AMBRA1: variants seen among roughly 807,000 people sequenced by gnomAD.
AMBRA1 encodes the protein autophagy and beclin 1 regulator 1.
AMBRA1 carries 47 observed loss-of-function variants against 125.4 expected under a neutral mutation model. The observed-to-expected ratio is 0.37, with a 90% CI of 0.30 to 0.48. The LOEUF is 0.48. Among genes scored for constraint, AMBRA1 ranks in the 20% least tolerant of loss-of-function variants. The probability of loss-of-function intolerance (pLI) is 0.99; values close to 1 mark genes in which losing one functional copy is unlikely to be tolerated. For synonymous variants in AMBRA1, 626 were observed against 655.5 expected, an observed-to-expected ratio of 0.95 and a Z score of 0.69; for missense variants, 1,331 against 1,693.4, an observed-to-expected ratio of 0.79 and a Z score of 3.76.
intron 11 of AMBRA1, among the ~76,000 whole-genome samples, chr11:46,446,727 T>C (rs1948301309): frequency 1.3e-5 from 2 of 152,202 alleles, no homozygotes; most frequent in Non-Finnish European, 2.9e-5. Flanking sequence ...CCTCTGGGGA[T>C]AAAAATCATT....
At position 46,443,501 on chromosome 11, in the gene AMBRA1, AG is replaced by A; in HGVS notation, c.2618del (p.Pro873LeufsTer8). 1 of 1,613,796 alleles carries A rather than the reference AG, an allele frequency of 6.2e-7. No individual in the cohort carries two copies. ...ACATTGACTTACCATTACTGATTTC[AG>A]GGAGGTCAAACTTAGTGAAGTCCCA... ...QWWDFTKFDL[P>X]EISNASVNVL... On this transcript the variant is annotated frameshift_variant, in exon 12 of 18. Coordinates refer to ENST00000683756, the MANE Select transcript of AMBRA1 (RefSeq NM_001387011.1). LOFTEE classifies it high-confidence loss of function.
intron 14 of AMBRA1, among the ~76,000 whole-genome samples, chr11:46,418,571 C>A (rs1461087846): frequency 6.6e-6 from 1 of 151,616 alleles, no homozygotes; most frequent in Non-Finnish European, 1.5e-5. Context: ...CCACAACAGG[C>A]CCCGGTGTGT....
At chr11:46,437,330 T>C (rs1947770572) in intron 12 of AMBRA1, among the ~76,000 whole-genome samples, 1 of 152,206 alleles carries the variant, frequency 6.6e-6, no homozygotes, top group Non-Finnish European at 1.5e-5. Flanking sequence ...TTCTGCCCTC[T>C]CCCCTGACTC....
intron 9 of AMBRA1, among the ~76,000 whole-genome samples, chr11:46,504,136 C>A (rs1427124757): frequency 2.6e-5 from 4 of 152,130 alleles, no homozygotes; most frequent in Non-Finnish European, 5.9e-5. Context: ...TATCCCTTTG[C>A]CTCAGAAAGC....
rs140248534 is a variant in AMBRA1 at position 46,434,420 on chromosome 11, A to C, written c.2821+429T>G. ...CAAAACAAACAAACAAACAAACAAA[A>C]AAGTCTCAAGGCAACAATTTGGCAT... On this transcript the variant is annotated intron_variant, in intron 13 of 17. Coordinates refer to ENST00000683756, the MANE Select transcript of AMBRA1 (RefSeq NM_001387011.1). Among the ~76,000 whole-genome samples the C allele has an allele frequency of 1.4e-4, 21 of 152,038 alleles. 1 individual carries two copies. The highest frequency in any genetic ancestry group is 3.9e-4 in the East Asian group (2 of 5,180).
Position 46,554,711 on chromosome 11 carries a change from A to T in AMBRA1, c.-120-6211T>A, listed in dbSNP as rs566328886. ...AAGGGAGCTAAGTCAAACTGAAGTC[A>T]CACAGGGCTGCTGATGAGGAGAAAA... On this transcript the variant is annotated intron_variant, in intron 1 of 17. Transcript: ENST00000683756. 2.0e-5 allele frequency among the ~76,000 whole-genome samples: 3 copies of T among 152,346 alleles called. No individual in the cohort carries two copies. The South Asian group carries it at 6.2e-4, about 32-fold the overall frequency.
intron 14 of AMBRA1, among the ~76,000 whole-genome samples, chr11:46,426,594 A>C (rs1026129141): frequency 3.3e-5 from 5 of 152,280 alleles, no homozygotes; most frequent in African/African-American, 1.2e-4. Flanking sequence ...TGTTATTTTT[A>C]ATTTTTATCT....
rs529723260 is a variant in AMBRA1, at chr11:46,448,844, A to C, written c.2522-5246T>G. On this transcript the variant is annotated intron_variant, in intron 11 of 17. Coordinates refer to ENST00000683756, the MANE Select transcript of AMBRA1 (RefSeq NM_001387011.1). ...TATGCCTACAAATTTGAAAACCTAC[A>C]TGCAATGGACTAACTTTCCTTGAAA... 5.3e-5 allele frequency among the ~76,000 whole-genome samples: 8 copies of C among 152,334 alleles called. No individual in the cohort carries two copies. In the South Asian group the frequency reaches 1.4e-3, roughly 28 times the overall value.
At chr11:46,515,684 T>G (rs1591002790) in intron 7 of AMBRA1, among the ~76,000 whole-genome samples, 2 of 152,080 alleles carry the variant, frequency 1.3e-5, no homozygotes, top group East Asian at 3.9e-4. Flanking sequence ...ATTTTTATTT[T>G]TTATTTTTTG....
chr11:46,463,046 G>C (rs565680388), intron 11 of AMBRA1, among the ~76,000 whole-genome samples: 1 of 152,250 alleles, frequency 6.6e-6, no homozygotes, highest in East Asian at 1.9e-4. Flanking sequence ...GAGCCACCAC[G>C]TCTGGCCAAT....
At chr11:46,492,854 C>G (rs944382686) in intron 11 of AMBRA1, among the ~76,000 whole-genome samples, 3 of 152,168 alleles carry the variant, frequency 2.0e-5, no homozygotes, top group Admixed American at 1.3e-4. Flanking sequence ...TTGAGATCAT[C>G]CTGGCTAACA....
At chr11:46,562,720 G>A (rs562723591) in intron 1 of AMBRA1, among the ~76,000 whole-genome samples, 3 of 151,950 alleles carry the variant, frequency 2.0e-5, no homozygotes, top group African/African-American at 7.2e-5. Flanking sequence ...CTATGAATAT[G>A]AGCCTGAGAA....
At chr11:46,438,651 C>T (rs1400671483) in intron 12 of AMBRA1, among the ~76,000 whole-genome samples, 1 of 152,288 alleles carries the variant, frequency 6.6e-6, no homozygotes, top group Admixed American at 6.5e-5. Flanking sequence ...CATAAACACT[C>T]CCTGAAGGCA....
chr11:46,398,004 G>T, intron 17 of AMBRA1, 61 bp from the exon 18 acceptor site: 1 of 1,523,366 alleles, frequency 6.6e-7, no homozygotes, highest in Non-Finnish European at 8.8e-7. Flanking sequence ...TCTGAGGCAG[G>T]TGGGCAGCCA....
At chr11:46,398,775 CTATTT>C (rs1442942986) in intron 17 of AMBRA1, among the ~76,000 whole-genome samples, 3 of 150,978 alleles carry the variant, frequency 2.0e-5, no homozygotes, top group Non-Finnish European at 2.9e-5. Flanking sequence ...TGCGCCTGGC[CTATTT>C]TATTTATTTT....
intron 14 of AMBRA1, 131 bp downstream of exon 14, chr11:46,433,343 A>G: frequency 2.6e-6 from 3 of 1,154,434 alleles, no homozygotes; most frequent in Non-Finnish European, 3.5e-6. Flanking sequence ...GCTTGACTAC[A>G]GCCCTTCCTT....
intron 7 of AMBRA1, among the ~76,000 whole-genome samples, chr11:46,527,896 G>A (rs537184033): frequency 6.6e-6 from 1 of 152,230 alleles, no homozygotes; most frequent in South Asian, 2.1e-4. Flanking sequence ...AAAACAGTAT[G>A]GAGGTTCCTC....
intron 9 of AMBRA1, among the ~76,000 whole-genome samples, chr11:46,507,295 T>C (rs778497069): frequency 1.6e-4 from 24 of 147,106 alleles, no homozygotes; most frequent in African/African-American, 4.3e-4. Context: ...CTGGCTAACA[T>C]GGTGAAACCC....
intron 11 of AMBRA1, among the ~76,000 whole-genome samples, chr11:46,455,187 T>C (rs1476027167): frequency 3.3e-5 from 5 of 152,172 alleles, no homozygotes; most frequent in Non-Finnish European, 7.4e-5. Flanking sequence ...GCACCCAGCA[T>C]AGGTTTTCTT....
Sources: allele counts gnomAD v4.1 joint callset (sites outside exome capture counted in the v4.1 genomes callset), GRCh38; gene constraint gnomAD v4.1.1; transcripts MANE v1.5; gene names NCBI Gene and HGNC (gene_info 2026-07-23, HGNC 2026-07-21).